The following TMEM178B variants were observed in gnomAD, a reference collection of about 807,000 sequenced individuals.
TMEM178B encodes the protein transmembrane protein 178B.
TMEM178B carries 5 observed loss-of-function variants against 31.0 expected under a neutral mutation model. The ratio of observed to expected loss-of-function variants is 0.16; its 90% CI spans 0.08 to 0.34. The LOEUF is 0.34. TMEM178B is among the 10% of genes least tolerant of loss of function. The pLI is 1.00. For synonymous variants in TMEM178B, 164 were observed against 164.0 expected (o/e 1.00, Z 0.00); for missense variants, 275 against 400.3 (o/e 0.69, Z 2.67).
chr7:141,118,731 G>A (rs980203816), intron 1 of TMEM178B, among the ~76,000 whole-genome samples: 2 of 152,156 alleles, frequency 1.3e-5, no homozygotes, highest in African/African-American at 4.8e-5. Flanking sequence ...TTCAGATCTG[G>A]TTAATTTGCC....
chr7:141,388,536 C>T (rs544222285), intron 2 of TMEM178B, among the ~76,000 whole-genome samples: 2 of 152,318 alleles, frequency 1.3e-5, no homozygotes, highest in South Asian at 4.1e-4. Context: ...TTTTGCTCCC[C>T]TCCCTCAGCC....
At chr7:141,369,313 CGACGT>C (rs1044932193) in intron 2 of TMEM178B, among the ~76,000 whole-genome samples, 2 of 140,002 alleles carry the variant, frequency 1.4e-5, no homozygotes, top group African/African-American at 2.7e-5. Context: ...CTCTCCGCGC[CGACGT>C]GTGTGTGTGT....
intron 1 of TMEM178B, among the ~76,000 whole-genome samples, chr7:141,109,624 AC>A (rs1347614793): frequency 1.3e-5 from 2 of 151,752 alleles, no homozygotes; most frequent in African/African-American, 4.9e-5. Context: ...CTCACCATTA[AC>A]CCCCCTTGTC....
At chr7:141,506,672 C>G in the TMEM178B span, among the ~76,000 whole-genome samples, 19 of 152,124 alleles carry the variant, frequency 1.2e-4, no homozygotes, top group Non-Finnish European at 2.5e-4. Context: ...TGGCCCCTCC[C>G]AAATCTTATG....
At chr7:141,191,054 G>A (rs186855312) in intron 1 of TMEM178B, among the ~76,000 whole-genome samples, 2 of 152,180 alleles carry the variant, frequency 1.3e-5, no homozygotes, top group Admixed American at 1.3e-4. Context: ...AAAAATAACT[G>A]GTTTCATTAT....
chr7:141,114,812 A>C (rs1390643390), intron 1 of TMEM178B, among the ~76,000 whole-genome samples: 1 of 152,184 alleles, frequency 6.6e-6, no homozygotes, highest in Non-Finnish European at 1.5e-5. Flanking sequence ...CAGGGGAATA[A>C]AGAATGTAGT....
At chr7:141,247,210 C>CT (rs1797751007) in intron 2 of TMEM178B, among the ~76,000 whole-genome samples, 3 of 149,704 alleles carry the variant, frequency 2.0e-5, no homozygotes, top group South Asian at 2.1e-4. Flanking sequence ...TCTCTACACA[C>CT]ACACACACAC....
intron 2 of TMEM178B, among the ~76,000 whole-genome samples, chr7:141,353,215 C>G (rs1799764811): frequency 6.6e-6 from 1 of 152,172 alleles, no homozygotes; most frequent in South Asian, 2.1e-4. Context: ...CGCATTCCAA[C>G]TGGAATGTCC....
intron 2 of TMEM178B, among the ~76,000 whole-genome samples, chr7:141,274,854 G>C (rs1798240516): frequency 6.6e-6 from 1 of 152,200 alleles, no homozygotes; most frequent in Non-Finnish European, 1.5e-5. Context: ...AGGCAGCTCT[G>C]TTGCCCTGGT....
intron 2 of TMEM178B, among the ~76,000 whole-genome samples, chr7:141,388,990 A>G (rs1800484704): frequency 6.6e-6 from 1 of 152,176 alleles, no homozygotes; most frequent in African/African-American, 2.4e-5. Flanking sequence ...GGCAGCAGTA[A>G]GGTTTCAATA....
intron 2 of TMEM178B, among the ~76,000 whole-genome samples, chr7:141,259,473 G>T (rs1478515767): frequency 3.3e-5 from 5 of 152,108 alleles, no homozygotes; most frequent in African/African-American, 1.2e-4. Flanking sequence ...TTCGCCTTGA[G>T]TGTGGGTCAC....
chr7:141,417,938 A>C (rs1415591341), intron 2 of TMEM178B, among the ~76,000 whole-genome samples: 1 of 152,180 alleles, frequency 6.6e-6, no homozygotes, highest in Non-Finnish European at 1.5e-5. Context: ...TCCAGAGCTT[A>C]AGTCCAGACA....
At chr7:141,340,994 TA>T (rs958312970) in intron 2 of TMEM178B, among the ~76,000 whole-genome samples, 4 of 152,066 alleles carry the variant, frequency 2.6e-5, no homozygotes, top group South Asian at 2.1e-4. Flanking sequence ...AGATAAGCTC[TA>T]AAAAAAAGTT....
At chr7:141,468,775 ATAGCTCTCTCTCTTGCAGAGAGAGAAGGG>A (rs1006582960) in intron 3 of TMEM178B, among the ~76,000 whole-genome samples, 3 of 152,138 alleles carry the variant, frequency 2.0e-5, no homozygotes, top group Non-Finnish European at 4.4e-5. Flanking sequence ...AGAAAGGAGA[ATAGCTCTCTCTCTTGCAGAGAGAGAAGGG>A]TGCCCAAGTG....
At chr7:141,315,358 C>A (rs1432111478) in intron 2 of TMEM178B, among the ~76,000 whole-genome samples, 1 of 152,134 alleles carries the variant, frequency 6.6e-6, no homozygotes, top group East Asian at 1.9e-4. Context: ...CTGATTCAGG[C>A]CAATGTGAAT....
At chr7:141,492,067 C>T in the TMEM178B span, among the ~76,000 whole-genome samples, 1 of 152,124 alleles carries the variant, frequency 6.6e-6, no homozygotes, top group South Asian at 2.1e-4. Context: ...CCTTCAAGGC[C>T]CTATTTCTTC....
At chr7:141,466,856 C>A (rs1802155068) in intron 3 of TMEM178B, among the ~76,000 whole-genome samples, 1 of 152,146 alleles carries the variant, frequency 6.6e-6, no homozygotes, top group South Asian at 2.1e-4. Flanking sequence ...ATGATAGGTT[C>A]ACAAACCAGC....
intron 1 of TMEM178B, among the ~76,000 whole-genome samples, chr7:141,203,395 C>T (rs569679695): frequency 6.6e-6 from 1 of 152,308 alleles, no homozygotes; most frequent in East Asian, 1.9e-4. Context: ...CAGAGGCCAG[C>T]ATGTGCCACT....
chr7:141,421,780 G>A (rs561240810), intron 2 of TMEM178B, among the ~76,000 whole-genome samples: 29 of 151,454 alleles, frequency 1.9e-4, no homozygotes, highest in African/African-American at 5.8e-4. Context: ...TTCTTGTCTC[G>A]GATATGACTT....
Sources: allele counts gnomAD v4.1 joint callset (sites outside exome capture counted in the v4.1 genomes callset), GRCh38; gene constraint gnomAD v4.1.1; transcripts MANE v1.5; gene names NCBI Gene and HGNC (gene_info 2026-07-23, HGNC 2026-07-21).